KRT78: variants seen among roughly 807,000 people sequenced by gnomAD.
KRT78 encodes keratin, type II cytoskeletal 78.
Under a neutral mutation model 51.4 loss-of-function variants are expected in KRT78, and 55 were observed. The observed-to-expected ratio is 1.07, with a 90% confidence interval of 0.86 to 1.34. The LOEUF (loss-of-function observed/expected upper bound fraction) is 1.34, where lower values mean the gene tolerates loss of function less well. Ranked by LOEUF, KRT78 falls within the 40% of genes most tolerant of loss-of-function variation. The pLI is 0.00. For synonymous variants in KRT78, 291 were observed against 264.3 expected (o/e 1.10, Z -0.98); for missense variants, 652 against 649.4 (o/e 1.00, Z -0.04).
intron 1 of KRT78, chr12:52,848,328 C>G (rs938629860): frequency 4.0e-6 from 6 of 1,489,478 alleles, no homozygotes; most frequent in Admixed American, 4.1e-5. Context: ...GCCTTCCCCC[C>G]GCTGGCTGGC....
At chr12:52,845,149 G>A (rs376642871) in intron 4 of KRT78, among the ~76,000 whole-genome samples, 4 of 151,908 alleles carry the variant, frequency 2.6e-5, no homozygotes, top group African/African-American at 9.7e-5. Context: ...CCTAGTAGCT[G>A]GGATTACAAG....
rs1202829652 is a variant in KRT78 at position 52,839,202 on chromosome 12, A to G, written c.1474T>C (p.Ser492Pro). The G allele has an allele frequency of 6.2e-7, 1 of 1,612,956 alleles. No homozygotes were observed. The highest frequency in any genetic ancestry group is 1.7e-5 in the Admixed American group (1 of 59,892). ...SGKDPVLDSC[S>P]VSGSSAGSSC... ...GAGCCAGCGCTGGAGCCAGACACAG[A>G]GCAGGAATCCAAAACAGGGTCCTTC... is the stretch of plus-strand genomic sequence containing the variant. The change falls in exon 9 of 9, where the codon TCT (serine) becomes CCT (proline). Residue 492 changes from serine to proline, a missense_variant. Transcript: ENST00000304620.
rs2120381505 is a variant in KRT78, at chr12:52,839,507, A to G, written c.1269-20T>C. On this transcript the variant is annotated intron_variant, in intron 7 of 8. Coordinates refer to ENST00000304620, the MANE Select transcript of KRT78 (RefSeq NM_173352.4). ...GACATCCTAGGGGGAAAAGGACAAG[A>G]GGGGGATGCGCTAAGGAATACTACA... 1.3e-6 allele frequency: 2 copies of G among 1,570,354 alleles called. No homozygotes were observed. Among genetic ancestry groups the G allele is most frequent in the African/African-American group, 1.4e-5 (1 of 73,622 alleles).
intron 6 of KRT78, among the ~76,000 whole-genome samples, chr12:52,840,922 G>A (rs573364602): frequency 1.6e-4 from 25 of 152,214 alleles, no homozygotes; most frequent in African/African-American, 4.6e-4. Flanking sequence ...TAAGCCACCC[G>A]ATTTGTGGTG....
At chr12:52,842,550 G>A (rs1940522455) in intron 6 of KRT78, among the ~76,000 whole-genome samples, 1 of 152,050 alleles carries the variant, frequency 6.6e-6, no homozygotes, top group Admixed American at 6.6e-5. Flanking sequence ...CCCCCACAGG[G>A]CACCAGGACC....
intron 5 of KRT78, 128 bp from the exon 6 acceptor site, chr12:52,844,346 G>T: frequency 8.1e-7 from 1 of 1,229,302 alleles, no homozygotes; most frequent in South Asian, 1.5e-5. Flanking sequence ...CCAGGACACA[G>T]TGGGATATAC....
At chr12:52,844,349 G>T in intron 5 of KRT78, 131 bp from the exon 6 acceptor site, 2 of 1,218,336 alleles carry the variant, frequency 1.6e-6, no homozygotes, top group East Asian at 2.4e-5. Flanking sequence ...GGACACAGTG[G>T]GATATACTTC....
Position 52,844,546 on chromosome 12 carries a change from C to T in KRT78, c.921+13G>A. 1 of 1,609,696 alleles carries T rather than the reference C, an allele frequency of 6.2e-7. No homozygotes were observed. On this transcript the variant is annotated intron_variant, in intron 5 of 8. Transcript: ENST00000304620. The stretch of plus-strand genomic sequence containing the variant: ...CCATTTCCAGCATGGTGCTGCCCCC[C>T]AGGTCCCACCACCTTGGTCTGGTAC...
chr12:52,847,617 C>G (rs981930677), intron 2 of KRT78, among the ~76,000 whole-genome samples: 1 of 152,370 alleles, frequency 6.6e-6, no homozygotes, highest in Non-Finnish European at 1.5e-5. Flanking sequence ...ATAAGCCCTT[C>G]CCAGCCTTGA....
intron 6 of KRT78, 124 bp downstream of exon 6, chr12:52,843,969 C>T (rs1295917459): frequency 8.7e-6 from 10 of 1,154,532 alleles, no homozygotes; most frequent in African/African-American, 1.6e-5. Flanking sequence ...AAGCTCCAGC[C>T]AGTTATCAAG....
chr12:52,841,180 G>C (rs1004224567), intron 6 of KRT78, among the ~76,000 whole-genome samples: 1 of 152,004 alleles, frequency 6.6e-6, no homozygotes, highest in Non-Finnish European at 1.5e-5. Context: ...GCCTCAATTT[G>C]GGACTTGAAA....
intron 3 of KRT78, 124 bp from the exon 4 acceptor site, chr12:52,846,416 T>C: frequency 1.4e-6 from 1 of 717,878 alleles, no homozygotes. Context: ...GACCCCCTCC[T>C]TCCTCCTCCA....
intron 7 of KRT78, 130 bp downstream of exon 7, chr12:52,839,634 G>A (rs1010214905): frequency 4.2e-5 from 53 of 1,272,406 alleles, no homozygotes; most frequent in African/African-American, 1.0e-4. Flanking sequence ...TCTCTGCAGC[G>A]TCGGTTGCCC....
Position 52,839,328 on chromosome 12 carries a change from C to T in KRT78, c.1348G>A (p.Gly450Ser), listed in dbSNP as rs1423290520. The T allele has an allele frequency of 3.7e-6, 6 of 1,614,002 alleles. No individual in the cohort carries two copies. Among genetic ancestry groups the T allele is most frequent in the Non-Finnish European group, 5.1e-6 (6 of 1,179,990 alleles). The change falls in exon 9 of 9, where the codon GGC becomes AGC. Residue 450 changes from glycine to serine, a missense_variant. Transcript: ENST00000304620. The stretch of plus-strand genomic sequence containing the variant: ...CCGAGTCCACAAGTGCTCCCCAAGC[C>T]TCCACCAACTCCTCCAGACATGACA... ...SAVMSGGVGG[G>S]LGSTCGLGSG...
chr12:52,845,732 G>A (rs1206463420), intron 4 of KRT78, among the ~76,000 whole-genome samples: 1 of 152,164 alleles, frequency 6.6e-6, no homozygotes, highest in African/African-American at 2.4e-5. Flanking sequence ...GAGGCGGGTG[G>A]ATCATGAGGT....
At chr12:52,841,325 T>TA (rs58090786) in intron 6 of KRT78, among the ~76,000 whole-genome samples, 1,965 of 142,618 alleles carry the variant, frequency 0.014, 16 homozygotes, top group Non-Finnish European at 0.019. Context: ...CTACTAAAAA[T>TA]AAAAAAAAAA....
intron 6 of KRT78, among the ~76,000 whole-genome samples, chr12:52,843,688 C>CAAAAAAAAAAAAAAAAAAA (rs1158055717): frequency 6.3e-5 from 4 of 63,222 alleles, no homozygotes; most frequent in East Asian, 4.2e-4. Context: ...GACTCTGTCT[C>CAAAAAAAAAAAAAAAAAAA]AAAAAAAAAA....
At chr12:52,845,966 A>AT in intron 4 of KRT78, 1 of 509,238 alleles carries the variant, frequency 2.0e-6, no homozygotes, top group Non-Finnish European at 3.5e-6. Context: ...AAAAAAAAAA[A>AT]GCAATTTTTT....
Position 52,846,808 on chromosome 12 carries a change from G to C in KRT78, c.616C>G (p.His206Asp), listed in dbSNP as rs1422724203. ...EYKSKYEEEA[H>D]RRATLENDFV... ...TCGTTCTCAAGTGTGGCACGCCTGT[G>C]GGCCTCCTCCTCATACCTGCCAAAT... Residue 206 changes from histidine (H) to aspartate (D), a missense_variant, in exon 3 of 9, where the codon CAC becomes GAC. His to Asp is a moderately conservative substitution (Grantham distance 81). Transcript: ENST00000304620. The C allele has an allele frequency of 6.2e-7, 1 of 1,613,584 alleles. No individual in the cohort carries two copies. The highest frequency in any genetic ancestry group is 1.3e-5 in the African/African-American group (1 of 74,914).
Sources: gnomAD v4.1 joint callset for allele counts (sites outside exome capture counted in the v4.1 genomes callset) on GRCh38, gnomAD v4.1.1 for gene constraint, MANE v1.5 for transcripts, NCBI Gene and HGNC (gene_info 2026-07-23, HGNC 2026-07-21) for gene names.